SLC38A9: variants seen among roughly 807,000 people sequenced by gnomAD.
SLC38A9 encodes neutral amino acid transporter 9.
In SLC38A9, 48 loss-of-function variants were observed where a neutral mutation model predicts 62.3. That is an observed-to-expected ratio of 0.77 (90% confidence interval 0.61 to 0.98). The LOEUF (loss-of-function observed/expected upper bound fraction) is 0.98, where lower values mean the gene tolerates loss of function less well. SLC38A9 is among the 50% of genes least tolerant of loss of function. The pLI is 0.00. For synonymous variants in SLC38A9, 204 were observed against 227.7 expected (o/e 0.90, Z 0.94); for missense variants, 541 against 679.8 (o/e 0.80, Z 2.27).
intron 3 of SLC38A9, 95 bp downstream of exon 3, chr5:55,697,751 T>G (rs190996704): frequency 1.7e-6 from 1 of 576,624 alleles, no homozygotes; most frequent in African/African-American, 1.9e-5. Context: ...AAGTGGATAT[T>G]TTATAATCAA....
intron 7 of SLC38A9, 94 bp downstream of exon 7, chr5:55,669,134 T>G (rs1750894988): frequency 2.7e-6 from 2 of 745,722 alleles, no homozygotes; most frequent in South Asian, 2.1e-5. Context: ...AGTAGACAGC[T>G]GACACACATG....
intron 14 of SLC38A9, among the ~76,000 whole-genome samples, chr5:55,632,418 G>A (rs1042775109): frequency 1.3e-5 from 2 of 152,094 alleles, no homozygotes; most frequent in Non-Finnish European, 1.5e-5. Context: ...AGCCTGGGCG[G>A]CAGAGCGAGA....
intron 12 of SLC38A9, among the ~76,000 whole-genome samples, chr5:55,637,646 G>C (rs915362374): frequency 2.6e-5 from 4 of 152,152 alleles, no homozygotes; most frequent in Non-Finnish European, 5.9e-5. Context: ...TGGTACATAG[G>C]AGGAACTTGG....
intron 3 of SLC38A9, among the ~76,000 whole-genome samples, chr5:55,687,039 T>C (rs1753938978): frequency 1.3e-5 from 2 of 149,778 alleles, no homozygotes. Flanking sequence ...TAATTTGAAG[T>C]TGGATAGCAT....
chr5:55,640,827 A>C (rs538274647), intron 12 of SLC38A9, among the ~76,000 whole-genome samples: 47 of 152,310 alleles, frequency 3.1e-4, no homozygotes, highest in African/African-American at 1.0e-3. Flanking sequence ...GAAATGAAGA[A>C]AAAGTAAAAT....
chr5:55,710,613 AGTTTTT>A (rs1331218776), intron 2 of SLC38A9, among the ~76,000 whole-genome samples: 2 of 151,838 alleles, frequency 1.3e-5, no homozygotes, highest in African/African-American at 2.4e-5. Flanking sequence ...TTTTTTGTTT[AGTTTTT>A]GTTTTTGTTT....
chr5:55,657,490 G>GTTTTT (rs34646167), intron 8 of SLC38A9, among the ~76,000 whole-genome samples: 32 of 147,438 alleles, frequency 2.2e-4, no homozygotes, highest in Admixed American at 2.7e-4. Context: ...GAAAATCAAA[G>GTTTTT]TTTTTTTTTT....
chr5:55,630,258 C>G (rs1213832893), intron 14 of SLC38A9, among the ~76,000 whole-genome samples: 1 of 152,128 alleles, frequency 6.6e-6, no homozygotes, highest in Non-Finnish European at 1.5e-5. Context: ...AATCAATTGT[C>G]TGCTAGTAAA....
At chr5:55,653,456 T>G (rs1391942313) in intron 9 of SLC38A9, among the ~76,000 whole-genome samples, 1 of 152,174 alleles carries the variant, frequency 6.6e-6, no homozygotes, top group African/African-American at 2.4e-5. Context: ...AAGAGCAGAT[T>G]TCTTTTAACA....
intron 14 of SLC38A9, among the ~76,000 whole-genome samples, chr5:55,630,816 TTTA>T (rs1454766614): frequency 6.6e-6 from 1 of 152,126 alleles, no homozygotes; most frequent in Admixed American, 6.5e-5. Context: ...AAGTAATGGT[TTTA>T]TTATTGATTT....
At chr5:55,652,357 C>CAAAAAAAAAAAAAAAAAAAAAAAAAAA (rs60557392) in intron 10 of SLC38A9, among the ~76,000 whole-genome samples, 172 bp downstream of exon 10, 1 of 56,178 alleles carries the variant, frequency 1.8e-5, no homozygotes, top group Non-Finnish European at 3.2e-5. Flanking sequence ...AACTCCGTCT[C>CAAAAAAAAAAAAAAAAAAAAAAAAAAA]AAAAAAAAAA....
chr5:55,649,630 C>T (rs1862534), intron 10 of SLC38A9, among the ~76,000 whole-genome samples: 90,386 of 151,898 alleles, frequency 0.6, 27,565 homozygotes, highest in South Asian at 0.7. Context: ...GAGACCAAAC[C>T]GGCCAACATG....
chr5:55,671,505 CTTT>C (rs1315953374), intron 4 of SLC38A9, among the ~76,000 whole-genome samples: 1 of 142,940 alleles, frequency 7.0e-6, no homozygotes, highest in Non-Finnish European at 1.5e-5. Flanking sequence ...TCCCATTCTT[CTTT>C]TTTTTTTTTT....
rs748598681 is a variant in SLC38A9, at chr5:55,697,921, G to A, written c.38C>T (p.Thr13Ile). The change falls in exon 3 of 16, where the codon ACC (threonine) becomes ATC (isoleucine). Residue 13 changes from threonine to isoleucine, a missense_variant. Coordinates refer to ENST00000396865, the MANE Select transcript of SLC38A9 (RefSeq NM_173514.4). ...ATCTCTTTCATGATCTACCTCAGAGGTGCCAAGATGCCTAGAATCACTATT... is the reference window on the plus strand; with the variant it reads ...ATCTCTTTCATGATCTACCTCAGAGATGCCAAGATGCCTAGAATCACTATT... ...NMNSDSRHLG[T>I]SEVDHERDPG... is the part of the protein sequence containing the mutation. The A allele has an allele frequency of 1.1e-5, 18 of 1,602,708 alleles. No individual in the cohort carries two copies. The highest frequency in any genetic ancestry group is 1.3e-5 in the African/African-American group (1 of 74,404).
intron 3 of SLC38A9, among the ~76,000 whole-genome samples, chr5:55,678,262 T>C (rs1441148831): frequency 6.6e-6 from 1 of 151,622 alleles, no homozygotes; most frequent in Non-Finnish European, 1.5e-5. Flanking sequence ...CTCAGTCTCC[T>C]GAGTAGCTGG....
rs1252787695 is a variant in SLC38A9, at chr5:55,700,066, A to G, written c.-34-2074T>C. 4.0e-5 allele frequency among the ~76,000 whole-genome samples: 6 copies of G among 150,124 alleles called. No homozygotes were observed. The Admixed American group carries it at 4.0e-4, about 10-fold the overall frequency. On this transcript the variant is annotated intron_variant, in intron 2 of 15. Coordinates refer to ENST00000396865, the MANE Select transcript of SLC38A9 (RefSeq NM_173514.4). ...TTGAAAAAAATAATTACAGCTGGGC[A>G]CAGTGGCTCACATCTGTAATCCCAA...
chr5:55,654,367 C>T (rs1289231360), intron 9 of SLC38A9, among the ~76,000 whole-genome samples: 2 of 152,068 alleles, frequency 1.3e-5, no homozygotes, highest in Non-Finnish European at 2.9e-5. Flanking sequence ...CCTTTAATCC[C>T]AGCACTTTGG....
Position 55,672,676 on chromosome 5 carries a change from TG to T in SLC38A9, c.132del (p.Thr45GlnfsTer4). ...ACATGATTCACATTCACGATGTTTG[TG>T]GGCTCTATACAGAAAGGCCTACAAA... ...LRSKRPFCIEPTNIVNVNHVI... is the reference protein window; with the variant it reads ...LRSKRPFCIEXTNIVNVNHVI... On this transcript the variant is annotated frameshift_variant, in exon 4 of 16. Coordinates refer to ENST00000396865, the MANE Select transcript of SLC38A9 (RefSeq NM_173514.4). LOFTEE classifies it high-confidence loss of function. 1.9e-6 allele frequency: 3 copies of T among 1,614,058 alleles called. No individual in the cohort carries two copies. The highest frequency in any genetic ancestry group is 2.5e-6 in the Non-Finnish European group (3 of 1,180,018).
At chr5:55,706,590 A>G (rs1394615806) in intron 2 of SLC38A9, among the ~76,000 whole-genome samples, 1 of 152,222 alleles carries the variant, frequency 6.6e-6, no homozygotes, top group Non-Finnish European at 1.5e-5. Flanking sequence ...GCAGCATAGC[A>G]GAATTAGCTA....
Sources: gnomAD v4.1 joint callset for allele counts (sites outside exome capture counted in the v4.1 genomes callset) on GRCh38, gnomAD v4.1.1 for gene constraint, MANE v1.5 for transcripts, NCBI Gene and HGNC (gene_info 2026-07-23, HGNC 2026-07-21) for gene names.